Variants in RAB41 observed in about 807,000 individuals in gnomAD.
RAB41 encodes the protein RAB41, member RAS oncogene family.
A neutral mutation model predicts 19.0 loss-of-function variants in RAB41; 15 were observed. That is an observed-to-expected ratio of 0.79 (90% CI 0.53 to 1.21). The LOEUF (loss-of-function observed/expected upper bound fraction) is 1.21. Ranked by LOEUF, RAB41 falls within the 50% of genes most tolerant of loss-of-function variation. The probability of loss-of-function intolerance (pLI) is 0.00; values close to 1 mark genes in which losing one functional copy is unlikely to be tolerated. For synonymous variants in RAB41, 73 were observed against 64.7 expected (o/e 1.13, Z -0.62); for missense variants, 177 against 179.7 (o/e 0.99, Z 0.09).
At chrX:70,283,239 C>T (rs777948418) in intron 3 of RAB41, 29 bp from the exon 4 acceptor site, 2 of 1,143,767 alleles carry the variant, frequency 1.7e-6, no homozygotes, top group Non-Finnish European at 2.4e-6. Flanking sequence ...TACCTTTCCC[C>T]CATCTTCTTC....
rs2085709924 is a variant in RAB41, at chrX:70,284,874, G to A, written c.*231G>A. The A allele has an allele frequency of 4.7e-6, 2 of 422,243 alleles. No homozygotes were observed. The highest frequency in any genetic ancestry group is 3.5e-5 in the South Asian group (1 of 28,834). 34.8% of individuals were successfully genotyped at this position (422,243 alleles called of 1,213,427 possible). A position where few individuals can be genotyped will look rare whatever the true frequency, so the allele number is the denominator to read the frequency against. On this transcript the variant is annotated 3_prime_UTR_variant, in exon 8 of 8. Transcript: ENST00000374473. ...CTGGGAATTCTACCTTACCTTCTCC[G>A]ACAGCTAAAAGACATCTGTAGAGAA...
In RAB41 at chrX:70,282,222, C is replaced by T. The variant is rs925642108; in HGVS notation, c.5C>T (p.Ser2Phe). The T allele has an allele frequency of 1.7e-6, 2 of 1,210,870 alleles. No individual in the cohort carries two copies. The highest frequency in any genetic ancestry group is 3.5e-5 in the African/African-American group (2 of 57,475). The change falls in exon 1 of 8, where the codon TCT (serine) becomes TTT (phenylalanine). Residue 2 changes from serine (S) to phenylalanine (F), a missense_variant. Transcript: ENST00000374473. MSAFGHDEAWME... is the reference protein window; with the variant it reads MFAFGHDEAWME... ...GGCTGCAACCTACCTGAAGCGATGT[C>T]TGCCTTTGGTCACGACGAGGCCTGG...
Position 70,284,878 on chromosome X carries a change from G to T in RAB41, c.*235G>T. 1 of 419,215 alleles carries T rather than the reference G, an allele frequency of 2.4e-6. No homozygotes were observed. The allele number at this position is 419,215 out of a possible 1,213,427, so 34.5% of individuals were successfully genotyped here. On this transcript the variant is annotated 3_prime_UTR_variant, in exon 8 of 8. Coordinates refer to ENST00000374473, the MANE Select transcript of RAB41 (RefSeq NM_001363807.1). ...GAATTCTACCTTACCTTCTCCGACAGCTAAAAGACATCTGTAGAGAATACA... is the reference window on the plus strand; with the variant it reads ...GAATTCTACCTTACCTTCTCCGACATCTAAAAGACATCTGTAGAGAATACA...
intron 3 of RAB41, 113 bp from the exon 4 acceptor site, chrX:70,283,155 G>A: frequency 1.6e-6 from 1 of 628,997 alleles, no homozygotes; most frequent in East Asian, 3.4e-5. Flanking sequence ...CACTTCTCAG[G>A]GATCCAGTCT....
Position 70,284,952 on chromosome X carries a change from A to T in RAB41, c.*309A>T, listed in dbSNP as rs1418668918. ...CAAAGGCCAATACAATTCATTCTCC[A>T]CTGTTTGTTGTTGTTTACCTACACC... On this transcript the variant is annotated 3_prime_UTR_variant, in exon 8 of 8. Coordinates refer to ENST00000374473, the MANE Select transcript of RAB41 (RefSeq NM_001363807.1). 3.3e-6 allele frequency: 1 copy of T among 300,365 alleles called. No individual in the cohort carries two copies. Among genetic ancestry groups the T allele is most frequent in the Admixed American group, 5.2e-5 (1 of 19,239 alleles). 24.8% of individuals were successfully genotyped at this position (300,365 alleles called of 1,213,427 possible). A position where few individuals can be genotyped will look rare whatever the true frequency, so the allele number is the denominator to read the frequency against.
Position 70,284,229 on chromosome X carries a change from T to G in RAB41, c.550-37T>G, listed in dbSNP as rs374849793. ...GAACCTGACCTTTTTTTTTTCCCCT[T>G]TTTTTTTTTTTGGTCCCCATTCACA... On this transcript the variant is annotated intron_variant, in intron 6 of 7. Transcript: ENST00000374473. 0.032 allele frequency: 17,294 copies of G among 545,967 alleles called. 50 individuals are homozygous for G. Among genetic ancestry groups the G allele is most frequent in the Admixed American group, 0.041 (788 of 19,376 alleles). The allele number at this position is 545,967 out of a possible 1,213,427, so 45.0% of individuals were successfully genotyped here.
chrX:70,282,979 T>C, intron 3 of RAB41, 124 bp downstream of exon 3: 2 of 578,067 alleles, frequency 3.5e-6, no homozygotes, highest in Non-Finnish European at 5.8e-6. Flanking sequence ...ATGATGTTTC[T>C]TGTTCTGTCT....
At chrX:70,283,724 C>T (rs2085702388) in intron 5 of RAB41, 100 bp downstream of exon 5, 9 of 601,718 alleles carry the variant, frequency 1.5e-5, no homozygotes, top group Middle Eastern at 4.0e-4. Flanking sequence ...TACCTTAGTC[C>T]CCTCTGCCCC....
chrX:70,283,266 A>T lies in RAB41; in HGVS notation c.238-2A>T. ...ATCTTCTTCCTAAACATTTTTATGC[A>T]GGTTCAGCTGCAGCTATGGGACACA... On this transcript the variant is annotated splice_acceptor_variant, in intron 3 of 7. Transcript: ENST00000374473. LOFTEE classifies it high-confidence loss of function. 8.3e-7 allele frequency: 1 copy of T among 1,202,251 alleles called. No homozygotes were observed. The highest frequency in any genetic ancestry group is 1.1e-6 in the Non-Finnish European group (1 of 888,354).
In RAB41 at chrX:70,283,694, C is replaced by T. The variant is rs894306687; in HGVS notation, c.455+70C>T. On this transcript the variant is annotated intron_variant, in intron 5 of 7. Coordinates refer to ENST00000374473, the MANE Select transcript of RAB41 (RefSeq NM_001363807.1). Reference sequence around the variant, plus strand: ...CTCTATGGGGAGGGTCAACTGTCCTCTATTTACTTGGGGAGGAGTTACCTT... The same window carrying T: ...CTCTATGGGGAGGGTCAACTGTCCTTTATTTACTTGGGGAGGAGTTACCTT... 1.3e-5 allele frequency: 10 copies of T among 771,875 alleles called. No homozygotes were observed. In the African/African-American group the frequency reaches 1.5e-4, roughly 11 times the overall value. 63.6% of individuals were successfully genotyped at this position (771,875 alleles called of 1,213,427 possible).
chrX:70,283,472 C>A, intron 4 of RAB41, 41 bp from the exon 5 acceptor site: 1 of 1,126,184 alleles, frequency 8.9e-7, no homozygotes, highest in Non-Finnish European at 1.2e-6. Flanking sequence ...CTCCAAATCT[C>A]TCCTAAATGT....
intron 3 of RAB41, 48 bp downstream of exon 3, chrX:70,282,903 G>A: frequency 5.7e-6 from 6 of 1,056,166 alleles, no homozygotes; most frequent in Non-Finnish European, 6.6e-6. Flanking sequence ...AACCCCTTAG[G>A]CCTATTCATC....
At position 70,283,941 on chromosome X, in the gene RAB41, T is replaced by C; in HGVS notation, c.456-9T>C. 8.5e-7 allele frequency: 1 copy of C among 1,172,156 alleles called. No homozygotes were observed. Among genetic ancestry groups the C allele is most frequent in the Admixed American group, 2.2e-5 (1 of 45,943 alleles). Reference sequence around the variant, plus strand: ...CTCTGGCCCTTTTCATCATTTCTGATTCGTCCAGACAAGTCACTGCAGAAC... The same window carrying C: ...CTCTGGCCCTTTTCATCATTTCTGACTCGTCCAGACAAGTCACTGCAGAAC... On this transcript the variant is annotated splice_polypyrimidine_tract_variant and intron_variant, in intron 5 of 7. Coordinates refer to ENST00000374473, the MANE Select transcript of RAB41 (RefSeq NM_001363807.1).
Position 70,284,717 on chromosome X carries a change from C to A in RAB41, c.*74C>A. The A allele has an allele frequency of 1.2e-6, 1 of 856,288 alleles. No homozygotes were observed. Among genetic ancestry groups the A allele is most frequent in the Non-Finnish European group, 1.7e-6 (1 of 575,101 alleles). 70.6% of individuals were successfully genotyped at this position (856,288 alleles called of 1,213,427 possible). A position where few individuals can be genotyped will look rare whatever the true frequency, so the allele number is the denominator to read the frequency against. ...TTGCCATACCAGTTCTCCTCCCCAC[C>A]TCGTTTTATGATACATGGCCACTTA... On this transcript the variant is annotated 3_prime_UTR_variant, in exon 8 of 8. Coordinates refer to ENST00000374473, the MANE Select transcript of RAB41 (RefSeq NM_001363807.1).
intron 3 of RAB41, among the ~76,000 whole-genome samples, 189 bp downstream of exon 3, chrX:70,283,044 A>C (rs1354461107): frequency 8.9e-6 from 1 of 112,391 alleles, no homozygotes; most frequent in Non-Finnish European, 1.9e-5. Flanking sequence ...TGAATCCTTA[A>C]ATCTGCTGTG....
At position 70,284,301 on chromosome X, in the gene RAB41, A is replaced by G; in HGVS notation, c.585A>G (p.Thr195=). ...GTGTGGCTTCTGCCCTTCTTTCCACAAGGACTTCACCTCCACCAAAAGAGG... is the reference window on the plus strand; with the variant it reads ...GTGTGGCTTCTGCCCTTCTTTCCACGAGGACTTCACCTCCACCAAAAGAGG... ...FRRVASALLS[T]RTSPPPKEGT... is the part of the protein sequence containing the mutation. The change falls in exon 7 of 8, where the codon ACA becomes ACG. Residue 195 remains threonine, a synonymous_variant. Transcript: ENST00000374473. 1.7e-6 allele frequency: 2 copies of G among 1,207,437 alleles called. No individual in the cohort carries two copies. Among genetic ancestry groups the G allele is most frequent in the Non-Finnish European group, 2.2e-6 (2 of 894,339 alleles).
chrX:70,282,992 C>A, intron 3 of RAB41, 137 bp downstream of exon 3: 1 of 546,230 alleles, frequency 1.8e-6, no homozygotes, highest in Non-Finnish European at 3.1e-6. Flanking sequence ...TTCTGTCTGC[C>A]TTCATCTAAT....
intron 2 of RAB41, 28 bp from the exon 3 acceptor site, chrX:70,282,774 C>G (rs765250972): frequency 8.8e-5 from 106 of 1,201,690 alleles, no homozygotes; most frequent in Admixed American, 6.8e-4. Flanking sequence ...AGAGGGAATG[C>G]TGGAGTGTAT....
At chrX:70,282,497 T>C (rs1191491259) in intron 1 of RAB41, 36 bp from the exon 2 acceptor site, 6 of 1,195,573 alleles carry the variant, frequency 5.0e-6, no homozygotes, top group Admixed American at 4.4e-5. Context: ...GAAAGGGCAC[T>C]GAGGGCGACG....
Sources: gnomAD v4.1 joint callset for allele counts (sites outside exome capture counted in the v4.1 genomes callset) on GRCh38, gnomAD v4.1.1 for gene constraint, MANE v1.5 for transcripts, NCBI Gene and HGNC (gene_info 2026-07-23, HGNC 2026-07-21) for gene names.